PHF8: variants seen among roughly 807,000 people sequenced by gnomAD.
PHF8 encodes the protein PHD finger protein 8, also known as histone lysine demethylase PHF8.
A neutral mutation model predicts 74.4 loss-of-function variants in PHF8; 9 were observed. The observed-to-expected ratio is 0.12, with a 90% CI of 0.07 to 0.21. The LOEUF is 0.21. Among genes scored for constraint, PHF8 ranks in the 10% least tolerant of loss-of-function variants. PHF8 has a pLI of 1.00. For missense variants in PHF8, 478 were observed against 816.6 expected, an observed-to-expected ratio of 0.59 and a Z score of 5.05; for synonymous variants, 311 against 316.6, an observed-to-expected ratio of 0.98 and a Z score of 0.19.
chrX:54,002,317 T>A, intron 9 of PHF8, 56 bp from the exon 10 acceptor site: 2 of 748,825 alleles, frequency 2.7e-6, no homozygotes, highest in Non-Finnish European at 4.2e-6. Flanking sequence ...GAGCACCTAC[T>A]ATGAATCAGG....
rs1042016027 is a variant in PHF8 at position 53,943,389 on chromosome X, T to C, written c.2649+745A>G. On this transcript the variant is annotated intron_variant, in intron 20 of 21. Transcript: ENST00000338154. ...TTATCCTGAGTCAGTTAATGAGAGCTTCATTTTCTTCACCTATAAAATGAT... is the reference window on the plus strand; with the variant it reads ...TTATCCTGAGTCAGTTAATGAGAGCCTCATTTTCTTCACCTATAAAATGAT... The C allele has an allele frequency of 1.4e-4, 135 of 973,399 alleles. No homozygotes were observed. The highest frequency in any genetic ancestry group is 1.8e-4 in the Non-Finnish European group (128 of 706,526). The allele number at this position is 973,399 out of a possible 1,213,427, so 80.2% of individuals were successfully genotyped here.
At chrX:54,036,770 G>A (rs1449723071) in intron 2 of PHF8, among the ~76,000 whole-genome samples, 2 of 107,978 alleles carry the variant, frequency 1.9e-5, no homozygotes, top group Admixed American at 1.0e-4. Context: ...AGGCCGAGGC[G>A]GGTGGATCAC....
Position 53,985,025 on chromosome X carries a change from G to A in PHF8, c.2332C>T (p.Arg778Trp), listed in dbSNP as rs1050459941. Residue 778 changes from arginine to tryptophan, a missense_variant, in exon 18 of 22, where the codon CGG becomes TGG. This residue lies in a region of PHF8 where 51 missense variants were observed against 45.8 expected (regional missense o/e 1.11). Coordinates refer to ENST00000338154, the MANE Select transcript of PHF8 (RefSeq NM_015107.3). ...SPASQRTPGK[R>W]PIKRPAYWRT... is the part of the protein sequence containing the mutation. ...CAGTATGCTGGCCGCTTGATGGGCC[G>A]CTTCCCTGGGGTGCGCTGGGAAGCA... 5 of 1,208,576 alleles carry A rather than the reference G, an allele frequency of 4.1e-6. No homozygotes were observed. Among genetic ancestry groups the A allele is most frequent in the Non-Finnish European group, 5.6e-6 (5 of 894,012 alleles).
chrX:54,019,701 T>C lies in PHF8; in HGVS notation c.294-1880A>G, dbSNP rs782158479. Reference sequence around the variant, plus strand: ...AGCTACTTGGGAGGCTGAGGCAGAATTGCTTGAACCCAGGAGGCGGAGGGT... The same window carrying C: ...AGCTACTTGGGAGGCTGAGGCAGAACTGCTTGAACCCAGGAGGCGGAGGGT... On this transcript the variant is annotated intron_variant, in intron 4 of 21. Transcript: ENST00000338154. Among the ~76,000 whole-genome samples the C allele has an allele frequency of 3.9e-5, 4 of 103,272 alleles. No homozygotes were observed. The East Asian group carries it at 1.2e-3, about 32-fold the overall frequency. 89.7% of individuals were successfully genotyped at this position (103,272 alleles called of 115,157 possible).
At chrX:54,038,644 T>C (rs1381878681) in intron 2 of PHF8, among the ~76,000 whole-genome samples, 2 of 112,305 alleles carry the variant, frequency 1.8e-5, no homozygotes, top group Non-Finnish European at 3.8e-5. Flanking sequence ...CCATGTTTTT[T>C]GCACTTCTGA....
At chrX:53,988,797 TAA>T in intron 14 of PHF8, among the ~76,000 whole-genome samples, 1 of 107,615 alleles carries the variant, frequency 9.3e-6, no homozygotes, top group South Asian at 4.1e-4. Context: ...TGAAATTTCA[TAA>T]GAGAGTAGAC....
intron 20 of PHF8, chrX:53,942,505 TC>T (rs2064767146): frequency 8.3e-6 from 1 of 120,085 alleles, no homozygotes. Flanking sequence ...AAGATCTGTT[TC>T]TTTCTTTCGT....
chrX:54,005,514 A>G (rs1418494692), intron 8 of PHF8, among the ~76,000 whole-genome samples: 1 of 109,539 alleles, frequency 9.1e-6, no homozygotes, highest in Non-Finnish European at 1.9e-5. Context: ...ATATACAGCA[A>G]AAGACATAAA....
At chrX:53,985,975 C>T in intron 16 of PHF8, 26 bp from the exon 17 acceptor site, 1 of 1,203,705 alleles carries the variant, frequency 8.3e-7, no homozygotes, top group Non-Finnish European at 1.1e-6. Flanking sequence ...TGTATCACCT[C>T]AGCTGCCCAG....
At chrX:53,945,503 C>A (rs1373034365) in intron 19 of PHF8, among the ~76,000 whole-genome samples, 1 of 110,371 alleles carries the variant, frequency 9.1e-6, no homozygotes, top group East Asian at 2.8e-4. Flanking sequence ...CAGTGAAACT[C>A]TGTCTCAAAA....
At chrX:53,971,562 T>A (rs1416315418) in intron 18 of PHF8, among the ~76,000 whole-genome samples, 2 of 109,548 alleles carry the variant, frequency 1.8e-5, no homozygotes, top group Non-Finnish European at 3.8e-5. Flanking sequence ...TTTGAAAAAA[T>A]TAATAAAATA....
At chrX:54,020,960 T>C (rs1223606190) in intron 4 of PHF8, among the ~76,000 whole-genome samples, 3 of 111,610 alleles carry the variant, frequency 2.7e-5, no homozygotes, top group Non-Finnish European at 3.8e-5. Context: ...CAAAGGAAAA[T>C]AAACCATCTA....
intron 8 of PHF8, among the ~76,000 whole-genome samples, chrX:54,009,881 A>AAAAAAAT (rs2065956245): frequency 1.0e-5 from 1 of 99,747 alleles, no homozygotes; most frequent in Non-Finnish European, 2.0e-5. Flanking sequence ...AAAAAAAAAA[A>AAAAAAAT]GTGGCTCTTT....
chrX:54,003,737 A>G (rs782694945), intron 8 of PHF8, among the ~76,000 whole-genome samples: 2 of 112,169 alleles, frequency 1.8e-5, no homozygotes, highest in South Asian at 7.4e-4. Context: ...ATGGCCCTCA[A>G]TCGCCTCTGT....
intron 8 of PHF8, among the ~76,000 whole-genome samples, chrX:54,010,576 G>T (rs1450620444): frequency 9.0e-6 from 1 of 111,297 alleles, no homozygotes; most frequent in East Asian, 2.8e-4. Context: ...TCTGATTAAA[G>T]AAATCAAAGA....
intron 19 of PHF8, among the ~76,000 whole-genome samples, chrX:53,960,877 G>A (rs781791823): frequency 6.5e-4 from 72 of 110,304 alleles, no homozygotes; most frequent in Non-Finnish European, 1.2e-3. Context: ...TCTGGGTGGC[G>A]GACTCGTGGG....
intron 19 of PHF8, among the ~76,000 whole-genome samples, chrX:53,949,789 G>A (rs781923337): frequency 1.1e-5 from 1 of 92,687 alleles, no homozygotes; most frequent in Non-Finnish European, 2.1e-5. Context: ...TCCAGCCTGG[G>A]TGACAGAGCA....
At chrX:53,999,773 C>G (rs1222033858) in intron 11 of PHF8, 97 bp downstream of exon 11, 5 of 540,505 alleles carry the variant, frequency 9.3e-6, no homozygotes, top group Non-Finnish European at 1.3e-5. Context: ...AGCCCACAAG[C>G]TTCTCTGGTC....
intron 2 of PHF8, among the ~76,000 whole-genome samples, chrX:54,034,876 G>A (rs1044129558): frequency 4.8e-5 from 5 of 103,142 alleles, no homozygotes; most frequent in African/African-American, 1.8e-4. Flanking sequence ...GTGCATGCCT[G>A]TAGTCCCAGC....
Sources: allele counts gnomAD v4.1 joint callset (sites outside exome capture counted in the v4.1 genomes callset), GRCh38; gene constraint gnomAD v4.1.1; regional missense constraint gnomAD v4.1.1; transcripts MANE v1.5; gene names NCBI Gene and HGNC (gene_info 2026-07-23, HGNC 2026-07-21).